The following SLC1A7 variants were observed in gnomAD, a reference collection of about 807,000 sequenced individuals.
SLC1A7 encodes excitatory amino acid transporter 5.
In SLC1A7, 40 loss-of-function variants were observed where a neutral mutation model predicts 47.7. That is an observed-to-expected ratio of 0.84 (90% CI 0.65 to 1.09). The LOEUF (loss-of-function observed/expected upper bound fraction) is 1.09. Among genes scored for constraint, SLC1A7 ranks in the 50% least tolerant of loss-of-function variants. SLC1A7 has a pLI of 0.00. For missense variants in SLC1A7, 746 were observed against 769.5 expected, an observed-to-expected ratio of 0.97 and a Z score of 0.36; for synonymous variants, 323 against 325.6, an observed-to-expected ratio of 0.99 and a Z score of 0.09.
chr1:53,114,169 G>A (rs780342358), intron 3 of SLC1A7, among the ~76,000 whole-genome samples: 3 of 152,260 alleles, frequency 2.0e-5, no homozygotes, highest in East Asian at 1.9e-4. Context: ...CAGGGGACCC[G>A]GGGAAAGGGA....
rs112411408 is a variant in SLC1A7, at chr1:53,097,030, TC to T, written c.698-3471del. Among the ~76,000 whole-genome samples the T allele has an allele frequency of 3.5e-3, 472 of 135,722 alleles. 2 individuals are homozygous for T. Among genetic ancestry groups the T allele is most frequent in the African/African-American group, 0.013 (449 of 35,504 alleles). 89.0% of individuals were successfully genotyped at this position (135,722 alleles called of 152,430 possible). On this transcript the variant is annotated intron_variant, in intron 5 of 10. Transcript: ENST00000371494. The stretch of plus-strand genomic sequence containing the variant: ...CACCTTGGTACCCTCACACACACTG[TC>T]TTGGTGCACTCAACCTGCCTCGGTA...
At chr1:53,103,689 A>G (rs1338635004) in intron 4 of SLC1A7, 121 bp from the exon 5 acceptor site, 1 of 605,762 alleles carries the variant, frequency 1.7e-6, no homozygotes, top group Non-Finnish European at 2.8e-6. Flanking sequence ...TTTGATTGAC[A>G]GTAACCCTGT....
intron 2 of SLC1A7, among the ~76,000 whole-genome samples, chr1:53,125,181 G>A (rs1025132404): frequency 2.0e-5 from 3 of 152,180 alleles, no homozygotes; most frequent in African/African-American, 4.8e-5. Context: ...CCCAATGCAG[G>A]TCCCGTCCAG....
chr1:53,103,631 CA>C, intron 4 of SLC1A7, 63 bp from the exon 5 acceptor site: 1 of 954,514 alleles, frequency 1.0e-6, no homozygotes, highest in South Asian at 1.7e-5. Context: ...ATATTAACGA[CA>C]ACAATAATAG....
chr1:53,094,294 C>G (rs1218622393), intron 5 of SLC1A7, among the ~76,000 whole-genome samples: 1 of 152,196 alleles, frequency 6.6e-6, no homozygotes, highest in Non-Finnish European at 1.5e-5. Flanking sequence ...CCCCGGCATT[C>G]TAGGCCTTCC....
Position 53,134,393 on chromosome 1 carries a change from T to C in SLC1A7, c.172A>G (p.Met58Val). 6.2e-7 allele frequency: 1 copy of C among 1,613,454 alleles called. No homozygotes were observed. Among genetic ancestry groups the C allele is most frequent in the Non-Finnish European group, 8.5e-7 (1 of 1,179,700 alleles). The change falls in exon 2 of 11, where the codon ATG (methionine) becomes GTG (valine). Residue 58 changes from methionine (M) to valine (V), a missense_variant. Met to Val is a conservative substitution (Grantham distance 21). Coordinates refer to ENST00000371494, the MANE Select transcript of SLC1A7 (RefSeq NM_006671.6). ...AGGATCATCATCTTCAGCATCCTCA[T>C]CAGGAGCTCTCCAGGGAACTGGAAG... ...SYFQFPGELL[M>V]RMLKMMILPL... is the part of the protein sequence containing the mutation.
At chr1:53,104,121 C>G (rs1644613888) in intron 4 of SLC1A7, among the ~76,000 whole-genome samples, 1 of 152,216 alleles carries the variant, frequency 6.6e-6, no homozygotes, top group South Asian at 2.1e-4. Context: ...CCCTCAGGTA[C>G]TGGGAGCCCA....
At chr1:53,094,451 C>T (rs1231799688) in intron 5 of SLC1A7, among the ~76,000 whole-genome samples, 1 of 152,206 alleles carries the variant, frequency 6.6e-6, no homozygotes, top group African/African-American at 2.4e-5. Flanking sequence ...TCTACAGCTG[C>T]CCTCATGAGG....
chr1:53,088,359 GTGT>G (rs1347121957), intron 10 of SLC1A7, 132 bp from the exon 11 acceptor site: 67 of 727,046 alleles, frequency 9.2e-5, no homozygotes, highest in Non-Finnish European at 1.2e-4. Flanking sequence ...CAGACACGCT[GTGT>G]GACCTCGGCA....
At chr1:53,100,148 C>T (rs1209989360) in intron 5 of SLC1A7, among the ~76,000 whole-genome samples, 1 of 150,982 alleles carries the variant, frequency 6.6e-6, no homozygotes, top group Non-Finnish European at 1.5e-5. Flanking sequence ...ACTCACACAT[C>T]CACATACACC....
intron 10 of SLC1A7, 166 bp from the exon 11 acceptor site, chr1:53,088,393 C>T (rs1644383471): frequency 1.7e-6 from 1 of 584,090 alleles, no homozygotes; most frequent in South Asian, 2.6e-5. Context: ...TCCCTGGGCT[C>T]CTGTTCCCAA....
At chr1:53,089,677 G>T in intron 9 of SLC1A7, 123 bp downstream of exon 9, 1 of 1,012,140 alleles carries the variant, frequency 9.9e-7, no homozygotes, top group Non-Finnish European at 1.5e-6. Flanking sequence ...CTCCCACAGT[G>T]CCAAGCGGGG....
intron 5 of SLC1A7, among the ~76,000 whole-genome samples, chr1:53,098,474 A>G (rs12725485): frequency 0.14 from 19,936 of 141,402 alleles, 1,449 homozygotes; most frequent in Middle Eastern, 0.25. Context: ...CCCTGCCTCA[A>G]TGCATTCACA....
chr1:53,097,337 A>G (rs1252433330), intron 5 of SLC1A7, among the ~76,000 whole-genome samples: 1 of 127,552 alleles, frequency 7.8e-6, no homozygotes, highest in Non-Finnish European at 1.7e-5. Context: ...CACTCACACA[A>G]CCTGCCTCCG....
intron 3 of SLC1A7, among the ~76,000 whole-genome samples, chr1:53,106,159 G>A (rs573760164): frequency 6.6e-6 from 1 of 151,510 alleles, no homozygotes; most frequent in African/African-American, 2.4e-5. Context: ...CCACACCACC[G>A]TGCGGTCACT....
At chr1:53,097,770 G>C (rs77523182) in intron 5 of SLC1A7, among the ~76,000 whole-genome samples, 7 of 102,896 alleles carry the variant, frequency 6.8e-5, no homozygotes, top group East Asian at 8.1e-4. Flanking sequence ...CTCACACACA[G>C]CACCTCAGTA....
rs142101048 is a variant in SLC1A7, at chr1:53,092,600, G to A, written c.985C>T (p.Arg329Cys). 32 of 1,614,062 alleles carry A rather than the reference G, an allele frequency of 2.0e-5. No individual in the cohort carries two copies. Among genetic ancestry groups the A allele is most frequent in the African/African-American group, 2.7e-5 (2 of 74,932 alleles). ...ATGAGCAGAGCCTGCAGGATGCCAC[G>A]GATGAAGACGATGGGATTCTTCTTG... ...ITKKNPIVFIRGILQALLIAL... is the reference protein window; with the variant it reads ...ITKKNPIVFICGILQALLIAL... The change falls in exon 7 of 11, where the codon CGT (arginine) becomes TGT (cysteine). Residue 329 changes from arginine to cysteine, a missense_variant. Transcript: ENST00000371494.
chr1:53,093,275 G>A (rs1376766273), intron 6 of SLC1A7, among the ~76,000 whole-genome samples, 186 bp downstream of exon 6: 2 of 152,150 alleles, frequency 1.3e-5, no homozygotes, highest in African/African-American at 2.4e-5. Flanking sequence ...GCAGGCCCAG[G>A]GCCGGAGCCA....
chr1:53,118,033 G>A (rs1644780837), intron 2 of SLC1A7, among the ~76,000 whole-genome samples: 3 of 152,382 alleles, frequency 2.0e-5, no homozygotes, highest in African/African-American at 4.8e-5. Context: ...AGCCTCCCCC[G>A]GAGTGCCAGG....
Sources: allele counts gnomAD v4.1 joint callset (sites outside exome capture counted in the v4.1 genomes callset), GRCh38; gene constraint gnomAD v4.1.1; transcripts MANE v1.5; gene names NCBI Gene and HGNC (gene_info 2026-07-23, HGNC 2026-07-21).